ARHGAP22: variants seen among roughly 807,000 people sequenced by gnomAD.
ARHGAP22 encodes the protein rho GTPase-activating protein 22.
A neutral mutation model predicts 59.1 loss-of-function variants in ARHGAP22; 48 were observed. That is an observed-to-expected ratio of 0.81 (90% CI 0.64 to 1.03). ARHGAP22 has a LOEUF of 1.03. Among genes scored for constraint, ARHGAP22 ranks in the 50% least tolerant of loss-of-function variants. ARHGAP22 has a pLI of 0.00. For synonymous variants in ARHGAP22, 445 were observed against 416.4 expected (o/e 1.07, Z -0.84); for missense variants, 1,015 against 958.7 (o/e 1.06, Z -0.78).
chr10:48,611,119 A>C (rs1158708933), intron 1 of ARHGAP22, among the ~76,000 whole-genome samples: 1 of 152,232 alleles, frequency 6.6e-6, no homozygotes, highest in Non-Finnish European at 1.5e-5. Flanking sequence ...GAATTTATTC[A>C]GCTGTAAAGT....
Position 48,580,143 on chromosome 10 carries a change from A to C in ARHGAP22, c.234+2810T>G, listed in dbSNP as rs866140056. Among the ~76,000 whole-genome samples, 16 of 152,198 alleles carry C rather than the reference A, an allele frequency of 1.1e-4. 1 individual carries two copies. Among genetic ancestry groups the C allele is most frequent in the Admixed American group, 1.0e-3 (16 of 15,286 alleles). The stretch of plus-strand genomic sequence containing the variant: ...CTGCTGGGAGATACTGGCCCCTCTC[A>C]TGATTCAACGTGCTCCCTGGCAATA... On this transcript the variant is annotated intron_variant, in intron 2 of 9. Coordinates refer to ENST00000249601, the MANE Select transcript of ARHGAP22 (RefSeq NM_021226.4).
At chr10:48,459,121 C>T (rs1240978838) in intron 5 of ARHGAP22, among the ~76,000 whole-genome samples, 2 of 148,958 alleles carry the variant, frequency 1.3e-5, no homozygotes, top group Non-Finnish European at 3.0e-5. Context: ...CCCCAAACGG[C>T]CCTAGGCTGG....
intron 1 of ARHGAP22, among the ~76,000 whole-genome samples, chr10:48,642,861 G>C (rs1019331498): frequency 2.0e-5 from 3 of 151,772 alleles, no homozygotes; most frequent in African/African-American, 7.3e-5. Flanking sequence ...CTAATATCCA[G>C]AATCTACAAA....
At chr10:48,434,829 A>T in the ARHGAP22 span, 2 of 1,510,756 alleles carry the variant, frequency 1.3e-6, no homozygotes, top group South Asian at 2.6e-5. Context: ...CAGTGCAAGT[A>T]GCTTGATCTG....
At chr10:48,458,611 C>T (rs906370323) in intron 5 of ARHGAP22, among the ~76,000 whole-genome samples, 1 of 152,160 alleles carries the variant, frequency 6.6e-6, no homozygotes, top group African/African-American at 2.4e-5. Context: ...GCATCTGATC[C>T]TGGGGAGCTT....
At chr10:48,453,457 A>C (rs376934976) in intron 7 of ARHGAP22, 32 bp from the exon 8 acceptor site, 9 of 1,611,838 alleles carry the variant, frequency 5.6e-6, no homozygotes, top group East Asian at 2.2e-5. Flanking sequence ...GTCATCAAAG[A>C]AGCAAGTTGT....
chr10:48,594,874 C>T (rs981377915), intron 1 of ARHGAP22, among the ~76,000 whole-genome samples: 1 of 151,990 alleles, frequency 6.6e-6, no homozygotes, highest in Non-Finnish European at 1.5e-5. Flanking sequence ...GTCCTGCTTT[C>T]GGATCCCCCT....
At chr10:48,540,054 C>T (rs192155405) in intron 3 of ARHGAP22, among the ~76,000 whole-genome samples, 34 of 152,272 alleles carry the variant, frequency 2.2e-4, no homozygotes, top group African/African-American at 5.5e-4. Flanking sequence ...GAGGCTGAGC[C>T]GTGATTGAAA....
At chr10:48,495,853 C>G (rs907759689) in intron 3 of ARHGAP22, among the ~76,000 whole-genome samples, 1 of 152,174 alleles carries the variant, frequency 6.6e-6, no homozygotes, top group African/African-American at 2.4e-5. Context: ...GGGAGCTGCC[C>G]GAGGCGGAGG....
chr10:48,635,846 C>T (rs896381739), intron 1 of ARHGAP22, among the ~76,000 whole-genome samples: 1 of 152,204 alleles, frequency 6.6e-6, no homozygotes, highest in Non-Finnish European at 1.5e-5. Flanking sequence ...TACTTCCTGG[C>T]TGGGGAAGCA....
intron 2 of ARHGAP22, among the ~76,000 whole-genome samples, chr10:48,565,522 A>T (rs2057995070): frequency 6.6e-6 from 1 of 152,182 alleles, no homozygotes; most frequent in African/African-American, 2.4e-5. Flanking sequence ...ATGCATTATT[A>T]TAGGGCCAAG....
At chr10:48,475,085 C>T (rs910076632) in intron 4 of ARHGAP22, among the ~76,000 whole-genome samples, 4 of 152,144 alleles carry the variant, frequency 2.6e-5, no homozygotes, top group South Asian at 2.1e-4. Flanking sequence ...ACTCCAATTC[C>T]CCTCCTATCA....
At chr10:48,633,723 G>C (rs191309893) in intron 1 of ARHGAP22, among the ~76,000 whole-genome samples, 1 of 152,194 alleles carries the variant, frequency 6.6e-6, no homozygotes, top group African/African-American at 2.4e-5. Context: ...GGGAGGGAGG[G>C]CTGGCTTTCC....
chr10:48,434,688 T>C, the ARHGAP22 span, among the ~76,000 whole-genome samples: 3 of 152,212 alleles, frequency 2.0e-5, no homozygotes, highest in Admixed American at 2.0e-4. Flanking sequence ...TTCTAGACAT[T>C]TTCAGAATTC....
At chr10:48,526,936 TG>T (rs910675782) in intron 3 of ARHGAP22, among the ~76,000 whole-genome samples, 145 of 152,346 alleles carry the variant, frequency 9.5e-4, no homozygotes, top group African/African-American at 3.3e-3. Flanking sequence ...AATTACACAT[TG>T]TCTTTTTATA....
intron 3 of ARHGAP22, among the ~76,000 whole-genome samples, chr10:48,552,546 G>A (rs2056983513): frequency 6.6e-6 from 1 of 152,236 alleles, no homozygotes; most frequent in African/African-American, 2.4e-5. Flanking sequence ...GTGCACACTG[G>A]CATGGCCCAC....
intron 2 of ARHGAP22, among the ~76,000 whole-genome samples, chr10:48,563,752 T>C (rs567606084): frequency 5.3e-5 from 8 of 152,244 alleles, no homozygotes; most frequent in African/African-American, 1.2e-4. Context: ...AAACTTGCAA[T>C]GTAAATCTGA....
intron 1 of ARHGAP22, among the ~76,000 whole-genome samples, chr10:48,614,120 T>C (rs2060994384): frequency 6.6e-6 from 1 of 152,218 alleles, no homozygotes; most frequent in South Asian, 2.1e-4. Context: ...TGGTATTCTG[T>C]TATAGCAGCA....
chr10:48,590,679 G>A (rs369851330), intron 1 of ARHGAP22, among the ~76,000 whole-genome samples: 8 of 152,354 alleles, frequency 5.3e-5, no homozygotes, highest in African/African-American at 1.9e-4. Flanking sequence ...GGGCCATCTG[G>A]CCTGTGAGGG....
Sources: gnomAD v4.1 joint callset for allele counts (sites outside exome capture counted in the v4.1 genomes callset) on GRCh38, gnomAD v4.1.1 for gene constraint, MANE v1.5 for transcripts, NCBI Gene and HGNC (gene_info 2026-07-23, HGNC 2026-07-21) for gene names.